AKAP6: variants seen among roughly 807,000 people sequenced by gnomAD.
AKAP6 encodes A-kinase anchoring protein 6, also known as A-kinase anchor protein 6.
A neutral mutation model predicts 188.5 loss-of-function variants in AKAP6; 58 were observed. The observed-to-expected ratio is 0.31, with a 90% confidence interval of 0.25 to 0.38. AKAP6 has a LOEUF of 0.38. AKAP6 is among the 10% of genes least tolerant of loss of function. The pLI is 1.00. For synonymous variants in AKAP6, 989 were observed against 998.6 expected, an observed-to-expected ratio of 0.99 and a Z score of 0.18; for missense variants, 2,710 against 2,740.0, an observed-to-expected ratio of 0.99 and a Z score of 0.24.
chr14:32,433,561 C>T lies in AKAP6; in HGVS notation c.68C>T (p.Ala23Val). 2 of 1,614,170 alleles carry T rather than the reference C, an allele frequency of 1.2e-6. No homozygotes were observed. The highest frequency in any genetic ancestry group is 1.7e-6 in the Non-Finnish European group (2 of 1,180,040). ...SQDLDPMATDASPMAINMTPT... is the reference protein window; with the variant it reads ...SQDLDPMATDVSPMAINMTPT... The stretch of plus-strand genomic sequence containing the variant: ...GACCTGGATCCCATGGCTACTGATG[C>T]TTCACCCATGGCCATCAACATGACA... Residue 23 changes from alanine to valine, a missense_variant, in exon 2 of 14, where the codon GCT becomes GTT. Transcript: ENST00000280979.
chr14:32,706,972 C>T (rs1890838175), intron 9 of AKAP6, among the ~76,000 whole-genome samples: 1 of 152,122 alleles, frequency 6.6e-6, no homozygotes, highest in Non-Finnish European at 1.5e-5. Flanking sequence ...TCTAAACTTA[C>T]TATTTCAGCT....
At chr14:32,805,231 C>T (rs1406731001) in intron 12 of AKAP6, among the ~76,000 whole-genome samples, 1 of 152,160 alleles carries the variant, frequency 6.6e-6, no homozygotes, top group African/African-American at 2.4e-5. Flanking sequence ...CTGCCTGGTC[C>T]CTCTGTTCGG....
intron 1 of AKAP6, among the ~76,000 whole-genome samples, chr14:32,341,757 C>G (rs1430280524): frequency 1.3e-5 from 2 of 152,142 alleles, no homozygotes; most frequent in African/African-American, 4.8e-5. Context: ...GATGTGGTGG[C>G]TCAGGCCTGG....
intron 2 of AKAP6, among the ~76,000 whole-genome samples, chr14:32,475,020 A>G (rs1422614491): frequency 6.6e-6 from 1 of 152,212 alleles, no homozygotes; most frequent in Non-Finnish European, 1.5e-5. Flanking sequence ...CTCTGGAAAT[A>G]CATACGTAGA....
intron 2 of AKAP6, among the ~76,000 whole-genome samples, chr14:32,435,145 T>A (rs1890339548): frequency 6.6e-6 from 1 of 152,112 alleles, no homozygotes; most frequent in African/African-American, 2.4e-5. Context: ...GAAATAGAAA[T>A]TTGGAGGCTC....
At chr14:32,360,749 GTGCA>G (rs1887630931) in intron 1 of AKAP6, among the ~76,000 whole-genome samples, 2 of 147,428 alleles carry the variant, frequency 1.4e-5, no homozygotes, top group Non-Finnish European at 3.0e-5. Context: ...GTGTGTGTGT[GTGCA>G]TGCATTTTTT....
intron 1 of AKAP6, among the ~76,000 whole-genome samples, chr14:32,385,910 T>C (rs1005545301): frequency 3.4e-5 from 5 of 148,964 alleles, no homozygotes; most frequent in Middle Eastern, 3.6e-3. Context: ...ATTGTACATG[T>C]AGTCATATAT....
intron 7 of AKAP6, among the ~76,000 whole-genome samples, chr14:32,636,264 G>A (rs1217208106): frequency 6.6e-6 from 1 of 152,038 alleles, no homozygotes; most frequent in Non-Finnish European, 1.5e-5. Context: ...AATGATGTCT[G>A]TTTTACTCCA....
At chr14:32,341,442 T>C (rs1457046502) in intron 1 of AKAP6, among the ~76,000 whole-genome samples, 3 of 152,230 alleles carry the variant, frequency 2.0e-5, no homozygotes, top group Non-Finnish European at 2.9e-5. Context: ...CAATAATTTG[T>C]TCATTATCAT....
At chr14:32,757,168 C>G (rs1224579154) in intron 11 of AKAP6, among the ~76,000 whole-genome samples, 1 of 152,160 alleles carries the variant, frequency 6.6e-6, no homozygotes, top group African/African-American at 2.4e-5. Flanking sequence ...CTTTTCAATA[C>G]ATCTTTTCTT....
chr14:32,613,766 C>G (rs1336504450), intron 7 of AKAP6, among the ~76,000 whole-genome samples: 1 of 152,106 alleles, frequency 6.6e-6, no homozygotes, highest in African/African-American at 2.4e-5. Flanking sequence ...TTTGATCACA[C>G]ATTGTTCCTC....
At chr14:32,434,783 G>A (rs1890328743) in intron 2 of AKAP6, among the ~76,000 whole-genome samples, 1 of 152,166 alleles carries the variant, frequency 6.6e-6, no homozygotes, top group Admixed American at 6.5e-5. Context: ...GAAGCATAGA[G>A]CCTAGAGCAG....
At chr14:32,724,990 TAAAAA>T (rs71432079) in intron 9 of AKAP6, among the ~76,000 whole-genome samples, 18 of 34,912 alleles carry the variant, frequency 5.2e-4, no homozygotes, top group Admixed American at 1.7e-3. Context: ...ATATTCAACC[TAAAAA>T]AAAAAAAAAA....
intron 7 of AKAP6, among the ~76,000 whole-genome samples, chr14:32,669,317 T>G (rs566944671): frequency 6.6e-6 from 1 of 152,318 alleles, no homozygotes; most frequent in East Asian, 1.9e-4. Flanking sequence ...CATGCAGGAC[T>G]AGAAGAACAA....
intron 8 of AKAP6, among the ~76,000 whole-genome samples, chr14:32,681,979 T>G (rs1363117606): frequency 6.6e-6 from 1 of 152,222 alleles, no homozygotes; most frequent in East Asian, 1.9e-4. Flanking sequence ...AAATGGTTCC[T>G]ACATTTCAGA....
intron 2 of AKAP6, among the ~76,000 whole-genome samples, chr14:32,503,741 G>T (rs77144480): frequency 6.6e-6 from 1 of 151,758 alleles, no homozygotes; most frequent in Non-Finnish European, 1.5e-5. Flanking sequence ...TTATCTGTCT[G>T]CATTCTTGTC....
At chr14:32,408,938 G>A (rs1044673227) in intron 1 of AKAP6, among the ~76,000 whole-genome samples, 1 of 152,094 alleles carries the variant, frequency 6.6e-6, no homozygotes, top group African/African-American at 2.4e-5. Context: ...CCCCTATATC[G>A]CCTGTAATCC....
intron 12 of AKAP6, among the ~76,000 whole-genome samples, chr14:32,791,058 G>T (rs544133417): frequency 1.1e-4 from 17 of 152,218 alleles, no homozygotes; most frequent in African/African-American, 4.1e-4. Flanking sequence ...TTGCTATTGC[G>T]AATAGTGCTG....
chr14:32,567,149 G>A (rs1305209616), intron 4 of AKAP6, among the ~76,000 whole-genome samples: 1 of 152,054 alleles, frequency 6.6e-6, no homozygotes, highest in Non-Finnish European at 1.5e-5. Context: ...TCAAACTCCT[G>A]GACTCAAATG....
Sources: allele counts gnomAD v4.1 joint callset (sites outside exome capture counted in the v4.1 genomes callset), GRCh38; gene constraint gnomAD v4.1.1; transcripts MANE v1.5; gene names NCBI Gene and HGNC (gene_info 2026-07-23, HGNC 2026-07-21).